Variants in ASIC2 observed in about 807,000 individuals in gnomAD.
ASIC2 encodes the protein acid sensing ion channel subunit 2.
In ASIC2, 25 loss-of-function variants were observed where a neutral mutation model predicts 57.3. The observed-to-expected ratio is 0.44, with a 90% CI of 0.32 to 0.61. ASIC2 has a LOEUF of 0.61. Ranked by LOEUF, ASIC2 falls within the 20% of genes least tolerant of loss-of-function variation. The probability of loss-of-function intolerance (pLI) is 0.06; values close to 1 mark genes in which losing one functional copy is unlikely to be tolerated. For missense variants in ASIC2, 641 were observed against 738.1 expected, an observed-to-expected ratio of 0.87 and a Z score of 1.52; for synonymous variants, 319 against 307.5, an observed-to-expected ratio of 1.04 and a Z score of -0.39.
chr17:33,443,824 T>C (rs1295348335), intron 1 of ASIC2, among the ~76,000 whole-genome samples: 2 of 152,336 alleles, frequency 1.3e-5, no homozygotes, highest in East Asian at 3.9e-4. Context: ...TGTGTTCATT[T>C]GCTTGGACTT....
intron 1 of ASIC2, among the ~76,000 whole-genome samples, chr17:33,202,017 CAAAAAA>C (rs55724157): frequency 1.1e-5 from 1 of 92,292 alleles, no homozygotes; most frequent in Non-Finnish European, 2.2e-5. Context: ...GAGACTGTCT[CAAAAAA>C]AAAAAAAAAA....
chr17:33,692,134 A>G (rs1390119514), intron 1 of ASIC2: 1 of 152,164 alleles, frequency 6.6e-6, no homozygotes, highest in Non-Finnish European at 1.5e-5. Context: ...ACCATACTCA[A>G]TACACCATAT....
At chr17:33,585,048 T>G (rs894529286) in intron 1 of ASIC2, among the ~76,000 whole-genome samples, 2 of 152,120 alleles carry the variant, frequency 1.3e-5, no homozygotes, top group Non-Finnish European at 2.9e-5. Flanking sequence ...ATCTCTGTCC[T>G]TGTGGGCTAC....
chr17:33,056,408 T>C (rs1404212925), intron 3 of ASIC2, among the ~76,000 whole-genome samples: 1 of 152,192 alleles, frequency 6.6e-6, no homozygotes, highest in African/African-American at 2.4e-5. Flanking sequence ...CCATAACCCC[T>C]GACAGTTTGG....
At chr17:33,934,422 TGAA>T (rs943510028) in intron 1 of ASIC2, among the ~76,000 whole-genome samples, 58 of 152,274 alleles carry the variant, frequency 3.8e-4, no homozygotes, top group African/African-American at 1.3e-3. Flanking sequence ...GATAGAATAA[TGAA>T]GAAGATATAG....
chr17:33,601,661 T>C (rs910581093), intron 1 of ASIC2, among the ~76,000 whole-genome samples: 1 of 152,202 alleles, frequency 6.6e-6, no homozygotes, highest in Non-Finnish European at 1.5e-5. Context: ...ACTAGGGCAA[T>C]TCCTAGTGGA....
intron 1 of ASIC2, among the ~76,000 whole-genome samples, chr17:33,679,019 G>A (rs947119750): frequency 3.3e-4 from 51 of 152,306 alleles, no homozygotes; most frequent in Non-Finnish European, 7.2e-4. Flanking sequence ...TACAAGCAAG[G>A]TGACTTTGGG....
At chr17:33,740,348 A>G (rs1337405517) in intron 1 of ASIC2, among the ~76,000 whole-genome samples, 9 of 152,234 alleles carry the variant, frequency 5.9e-5, no homozygotes, top group Admixed American at 5.2e-4. Context: ...CATGGCTGGG[A>G]GGCCTCGGGA....
chr17:33,261,224 C>T (rs535119327), intron 1 of ASIC2, among the ~76,000 whole-genome samples: 75 of 152,308 alleles, frequency 4.9e-4, no homozygotes, highest in Non-Finnish European at 7.2e-4. Flanking sequence ...GCTTAGTTAT[C>T]AGAATTTCCA....
At chr17:33,637,534 A>G (rs1461582230) in intron 1 of ASIC2, among the ~76,000 whole-genome samples, 3 of 152,198 alleles carry the variant, frequency 2.0e-5, no homozygotes, top group Non-Finnish European at 4.4e-5. Context: ...CCAAGTTTTG[A>G]TGAAAATTTG....
intron 1 of ASIC2, among the ~76,000 whole-genome samples, chr17:33,130,572 A>G (rs920851969): frequency 2.6e-5 from 4 of 152,200 alleles, no homozygotes; most frequent in Admixed American, 2.6e-4. Context: ...ATTTATGCAA[A>G]TGCTATCTGC....
chr17:33,337,292 C>G (rs575872461), intron 1 of ASIC2, among the ~76,000 whole-genome samples: 2 of 152,342 alleles, frequency 1.3e-5, no homozygotes, highest in East Asian at 3.9e-4. Flanking sequence ...TTCATTGAGT[C>G]CTGCCTGAGC....
chr17:33,452,085 T>A (rs938038591), intron 1 of ASIC2, among the ~76,000 whole-genome samples: 1 of 152,230 alleles, frequency 6.6e-6, no homozygotes, highest in Admixed American at 6.5e-5. Flanking sequence ...AAACTTGGAA[T>A]ACCAAGTTAG....
At chr17:33,597,079 A>G (rs188197425) in intron 1 of ASIC2, among the ~76,000 whole-genome samples, 1 of 150,690 alleles carries the variant, frequency 6.6e-6, no homozygotes, top group Non-Finnish European at 1.5e-5. Flanking sequence ...GCTTCATGAC[A>G]GGCTGGCAGG....
intron 1 of ASIC2, among the ~76,000 whole-genome samples, chr17:33,271,895 A>C (rs887827041): frequency 1.3e-5 from 2 of 152,186 alleles, no homozygotes; most frequent in African/African-American, 4.8e-5. Context: ...CCCAGCCTAC[A>C]AGCCTTGGCA....
intron 1 of ASIC2, among the ~76,000 whole-genome samples, chr17:33,368,275 A>G (rs1180959013): frequency 6.6e-6 from 1 of 152,204 alleles, no homozygotes; most frequent in African/African-American, 2.4e-5. Context: ...TGGCTACCCT[A>G]AAGCTGCCAT....
intron 1 of ASIC2, among the ~76,000 whole-genome samples, chr17:33,223,710 G>A (rs905391394): frequency 5.3e-5 from 8 of 152,232 alleles, no homozygotes; most frequent in African/African-American, 1.9e-4. Flanking sequence ...TAAAATGGAA[G>A]TGTTAAGGTC....
chr17:33,867,752 TG>T (rs1427598734), intron 1 of ASIC2, among the ~76,000 whole-genome samples: 1 of 152,186 alleles, frequency 6.6e-6, no homozygotes, highest in African/African-American at 2.4e-5. Flanking sequence ...GGGCTTCTGC[TG>T]TCACAGGTAG....
intron 1 of ASIC2, among the ~76,000 whole-genome samples, chr17:33,514,014 C>G (rs1914498110): frequency 1.3e-5 from 2 of 152,218 alleles, no homozygotes; most frequent in South Asian, 4.1e-4. Context: ...AGACACACTG[C>G]TGGGGGCATG....
Sources: gnomAD v4.1 joint callset for allele counts (sites outside exome capture counted in the v4.1 genomes callset) on GRCh38, gnomAD v4.1.1 for gene constraint, MANE v1.5 for transcripts, NCBI Gene and HGNC (gene_info 2026-07-23, HGNC 2026-07-21) for gene names.